Variants in ZBTB20 observed in about 807,000 individuals in gnomAD.
The protein encoded by ZBTB20 is zinc finger and BTB domain-containing protein 20.
ZBTB20 carries 9 observed loss-of-function variants against 56.9 expected under a neutral mutation model. That is an observed-to-expected ratio of 0.16 (90% CI 0.10 to 0.28). The LOEUF (loss-of-function observed/expected upper bound fraction) is 0.28, where lower values mean the gene tolerates loss of function less well. Among genes scored for constraint, ZBTB20 ranks in the 10% least tolerant of loss-of-function variants. ZBTB20 has a pLI of 1.00. For missense variants in ZBTB20, 655 were observed against 1,003.0 expected, an observed-to-expected ratio of 0.65 and a Z score of 4.69; for synonymous variants, 417 against 420.7, an observed-to-expected ratio of 0.99 and a Z score of 0.11.
chr3:114,352,664 T>G (rs1331206231), intron 10 of ZBTB20, among the ~76,000 whole-genome samples: 1 of 152,174 alleles, frequency 6.6e-6, no homozygotes, highest in Non-Finnish European at 1.5e-5. Flanking sequence ...TATGGAAGGT[T>G]TTCTGAATTT....
At chr3:114,944,761 G>C (rs2076829540) in intron 3 of ZBTB20, among the ~76,000 whole-genome samples, 1 of 145,496 alleles carries the variant, frequency 6.9e-6, no homozygotes. Context: ...TCTCACTTAA[G>C]TGTGAAATCC....
At chr3:115,138,286 T>C (rs1398993097) in intron 1 of ZBTB20, among the ~76,000 whole-genome samples, 3 of 152,048 alleles carry the variant, frequency 2.0e-5, no homozygotes, top group African/African-American at 7.2e-5. Flanking sequence ...AGCTCCACTG[T>C]TGCAAATAGA....
intron 2 of ZBTB20, among the ~76,000 whole-genome samples, chr3:114,988,271 C>T (rs1333206350): frequency 7.0e-6 from 1 of 142,154 alleles, no homozygotes; most frequent in Admixed American, 7.1e-5. Context: ...CCATGACAGG[C>T]CCCGGGGTGT....
intron 1 of ZBTB20, among the ~76,000 whole-genome samples, chr3:115,077,107 C>T (rs534963645): frequency 9.2e-5 from 14 of 151,972 alleles, no homozygotes; most frequent in South Asian, 4.2e-4. Context: ...TGGGGCGTGG[C>T]GAGCAGGGGT....
In ZBTB20 at chr3:114,753,350, ACAT is replaced by A. The variant is rs1206272670; in HGVS notation, c.-343+47748_-343+47750del. 3.1e-3 allele frequency among the ~76,000 whole-genome samples: 260 copies of A among 84,546 alleles called. 56 individuals carry two copies. The highest frequency in any genetic ancestry group is 3.4e-3 in the East Asian group (9 of 2,630). The allele number at this position is 84,546 out of a possible 152,430, so 55.5% of individuals were successfully genotyped here. A position where few individuals can be genotyped will look rare whatever the true frequency, so the allele number is the denominator to read the frequency against. Reference sequence around the variant, plus strand: ...CTGTATATATAATGTATATATGTATACATTATATATAATGTATATATAATGTAT... The same window carrying A: ...CTGTATATATAATGTATATATGTATATATATATAATGTATATATAATGTAT... On this transcript the variant is annotated intron_variant, in intron 5 of 11. Transcript: ENST00000675478.
At chr3:114,999,438 T>C (rs2079160387) in intron 2 of ZBTB20, among the ~76,000 whole-genome samples, 1 of 151,780 alleles carries the variant, frequency 6.6e-6, no homozygotes, top group Non-Finnish European at 1.5e-5. Flanking sequence ...TTACATATAA[T>C]TTGTGCTATA....
intron 1 of ZBTB20, among the ~76,000 whole-genome samples, chr3:115,081,168 T>C (rs2082783096): frequency 6.6e-6 from 1 of 152,170 alleles, no homozygotes; most frequent in Non-Finnish European, 1.5e-5. Context: ...TACCTCTTTT[T>C]ATCAAATAAT....
At chr3:114,813,337 T>G (rs1312165421) in intron 4 of ZBTB20, among the ~76,000 whole-genome samples, 1 of 152,262 alleles carries the variant, frequency 6.6e-6, no homozygotes, top group Non-Finnish European at 1.5e-5. Flanking sequence ...TTTCTGTTCC[T>G]GTGGAATGGT....
At chr3:114,445,066 T>C (rs987620139) in intron 7 of ZBTB20, among the ~76,000 whole-genome samples, 7 of 152,154 alleles carry the variant, frequency 4.6e-5, no homozygotes, top group Admixed American at 3.9e-4. Context: ...GACATTTGCT[T>C]TGTCAACGCT....
intron 7 of ZBTB20, among the ~76,000 whole-genome samples, chr3:114,423,945 G>C (rs907068873): frequency 6.6e-6 from 1 of 152,170 alleles, no homozygotes; most frequent in Non-Finnish European, 1.5e-5. Context: ...CGGTCATAGG[G>C]AACCAACCTC....
At chr3:114,992,798 A>G (rs1399535453) in intron 2 of ZBTB20, among the ~76,000 whole-genome samples, 1 of 151,952 alleles carries the variant, frequency 6.6e-6, no homozygotes, top group South Asian at 2.1e-4. Context: ...TGGGGGAAAA[A>G]AAAACATAGA....
At chr3:114,454,680 C>G (rs2091895198) in intron 7 of ZBTB20, 1 of 151,892 alleles carries the variant, frequency 6.6e-6, no homozygotes, top group Non-Finnish European at 1.5e-5. Context: ...CTTTGAAAAA[C>G]CTTCTTTGTC....
chr3:114,479,547 C>T (rs187337516), intron 7 of ZBTB20, among the ~76,000 whole-genome samples: 13 of 152,330 alleles, frequency 8.5e-5, no homozygotes, highest in South Asian at 2.1e-4. Flanking sequence ...AATGATTGAA[C>T]AAGCTGTATT....
At chr3:114,938,117 CAA>C (rs1275534512) in intron 3 of ZBTB20, among the ~76,000 whole-genome samples, 1 of 145,340 alleles carries the variant, frequency 6.9e-6, no homozygotes, top group African/African-American at 2.8e-5. Context: ...GACTCCATCT[CAA>C]AAAAAATAAA....
At chr3:114,891,968 AC>A (rs2076828209) in intron 4 of ZBTB20, among the ~76,000 whole-genome samples, 2 of 151,766 alleles carry the variant, frequency 1.3e-5, no homozygotes, top group Admixed American at 1.3e-4. Flanking sequence ...AATTGTTTGA[AC>A]CCAGGAAGTG....
At chr3:114,987,028 G>T (rs2078575643) in intron 2 of ZBTB20, among the ~76,000 whole-genome samples, 1 of 151,946 alleles carries the variant, frequency 6.6e-6, no homozygotes, top group Non-Finnish European at 1.5e-5. Flanking sequence ...TTCAACTAGG[G>T]TTTGACAAAA....
intron 6 of ZBTB20, among the ~76,000 whole-genome samples, chr3:114,607,913 A>C (rs1369216448): frequency 6.6e-6 from 1 of 152,214 alleles, no homozygotes; most frequent in Non-Finnish European, 1.5e-5. Context: ...CATTCGTAAC[A>C]ATGTACAGCT....
chr3:115,097,949 G>T (rs2083439302), intron 1 of ZBTB20, among the ~76,000 whole-genome samples: 1 of 152,140 alleles, frequency 6.6e-6, no homozygotes, highest in Admixed American at 6.5e-5. Flanking sequence ...TCTACTGAAG[G>T]TTAAGAATTA....
rs190547756 is a variant in ZBTB20 at position 114,503,947 on chromosome 3, C to A, written c.-294-3556G>T. ...GAATCTCTTTCTCCAGAAAACTCCT[C>A]AAAAACACCAAGTTTCAAGGAACTC... On this transcript the variant is annotated intron_variant, in intron 6 of 11. Transcript: ENST00000675478. Among the ~76,000 whole-genome samples the A allele has an allele frequency of 4.6e-5, 7 of 152,216 alleles. 1 individual carries two copies. In the East Asian group the frequency reaches 1.2e-3, roughly 25 times the overall value.
Sources: gnomAD v4.1 joint callset for allele counts (sites outside exome capture counted in the v4.1 genomes callset) on GRCh38, gnomAD v4.1.1 for gene constraint, MANE v1.5 for transcripts, NCBI Gene and HGNC (gene_info 2026-07-23, HGNC 2026-07-21) for gene names.